Variants in TMBIM4 observed in about 807,000 individuals in gnomAD.
TMBIM4 encodes protein lifeguard 4.
TMBIM4 carries 28 observed loss-of-function variants against 27.7 expected under a neutral mutation model. The observed-to-expected ratio is 1.01, with a 90% confidence interval of 0.75 to 1.38. The LOEUF is 1.38. TMBIM4 is among the 40% of genes most tolerant of loss of function. TMBIM4 has a pLI of 0.00. For synonymous variants in TMBIM4, 115 were observed against 113.1 expected (o/e 1.02, Z -0.11); for missense variants, 265 against 277.5 (o/e 0.95, Z 0.32).
At chr12:66,160,118 G>A in intron 1 of TMBIM4, 1 of 688,746 alleles carries the variant, frequency 1.5e-6, no homozygotes, top group East Asian at 2.7e-5. Flanking sequence ...GAGTTGAGGA[G>A]CTGCAACAGA....
At chr12:66,149,206 C>T (rs1386605103) in intron 3 of TMBIM4, among the ~76,000 whole-genome samples, 5 of 151,854 alleles carry the variant, frequency 3.3e-5, no homozygotes, top group African/African-American at 9.7e-5. Flanking sequence ...TCTGGGAGGC[C>T]GAGGCAGGTG....
intron 1 of TMBIM4, among the ~76,000 whole-genome samples, chr12:66,165,235 G>A (rs896647514): frequency 2.0e-5 from 3 of 151,842 alleles, no homozygotes; most frequent in African/African-American, 4.8e-5. Flanking sequence ...GAATGTCAGG[G>A]GACCCCAAAT....
intron 1 of TMBIM4, among the ~76,000 whole-genome samples, chr12:66,158,228 A>C (rs1273649761): frequency 3.7e-5 from 1 of 27,218 alleles, no homozygotes; most frequent in East Asian, 3.2e-4. Flanking sequence ...TCCGTCTCAC[A>C]AAAAAAAAAA....
intron 1 of TMBIM4, among the ~76,000 whole-genome samples, chr12:66,167,524 G>A (rs2052152296): frequency 6.6e-6 from 1 of 152,150 alleles, no homozygotes; most frequent in Admixed American, 6.5e-5. Flanking sequence ...AATCATTAGA[G>A]AAATGCAAAT....
chr12:66,160,571 T>C (rs192815100), intron 1 of TMBIM4, among the ~76,000 whole-genome samples: 5 of 152,320 alleles, frequency 3.3e-5, no homozygotes, highest in Non-Finnish European at 4.4e-5. Flanking sequence ...TATATTACAA[T>C]AGACTAGTTA....
chr12:66,165,947 C>T (rs144803787), intron 1 of TMBIM4, among the ~76,000 whole-genome samples: 1 of 152,254 alleles, frequency 6.6e-6, no homozygotes, highest in Admixed American at 6.5e-5. Context: ...TCTATTTTTA[C>T]TTCTGTTGCC....
chr12:66,166,386 G>A (rs1263875177), intron 1 of TMBIM4, among the ~76,000 whole-genome samples: 2 of 149,712 alleles, frequency 1.3e-5, no homozygotes, highest in Non-Finnish European at 2.9e-5. Flanking sequence ...GATCACTTGA[G>A]CCTGGGACAT....
rs142306897 is a variant in TMBIM4 at position 66,158,094 on chromosome 12, C to T, written c.98-4646G>A. 9.1e-3 allele frequency among the ~76,000 whole-genome samples: 1,374 copies of T among 151,662 alleles called. 14 individuals carry two copies. The highest frequency in any genetic ancestry group is 0.031 in the African/African-American group (1,295 of 41,350). ...ACAAAAACTTAGCTGGGCGTGGTGG[C>T]GGGCGCCTGTAGTCCCAGCTACTCG... On this transcript the variant is annotated intron_variant, in intron 1 of 6. Transcript: ENST00000358230.
At position 66,169,932 on chromosome 12, in the gene TMBIM4, CG is replaced by C. The variant is rs1370013816; in HGVS notation, c.19del (p.Arg7GlyfsTer29). On this transcript the variant is annotated frameshift_variant, in exon 1 of 7. Transcript: ENST00000358230. LOFTEE classifies it high-confidence loss of function. ...GTCCTCGATCGAGGAGCGAGGGTAC[CG>C]GGGGTCGGGGTCAGCCATGATGGCA... MADPDP[R>X]YPRSSIEDDF... 7.4e-6 allele frequency: 11 copies of C among 1,495,424 alleles called. No homozygotes were observed. Among genetic ancestry groups the C allele is most frequent in the East Asian group, 2.9e-5 (1 of 34,884 alleles). 92.6% of individuals were successfully genotyped at this position (1,495,424 alleles called of 1,614,324 possible). A position where few individuals can be genotyped will look rare whatever the true frequency, so the allele number is the denominator to read the frequency against.
intron 1 of TMBIM4, among the ~76,000 whole-genome samples, chr12:66,157,099 T>G (rs1227764265): frequency 6.6e-6 from 1 of 152,192 alleles, no homozygotes; most frequent in African/African-American, 2.4e-5. Context: ...ATATCTGTTG[T>G]ACCATCGCCC....
chr12:66,147,789 A>G (rs2051775606), intron 4 of TMBIM4, 119 bp downstream of exon 4: 3 of 709,386 alleles, frequency 4.2e-6, no homozygotes, highest in South Asian at 4.4e-5. Flanking sequence ...GTCCTATGCT[A>G]TATTTCTGAA....
chr12:66,162,818 GT>G (rs1217409428), intron 1 of TMBIM4, among the ~76,000 whole-genome samples: 1 of 151,872 alleles, frequency 6.6e-6, no homozygotes, highest in Non-Finnish European at 1.5e-5. Context: ...TCTTTATTTT[GT>G]TTTCAACAAA....
At chr12:66,139,807 A>G (rs765859446) in intron 5 of TMBIM4, 9 of 455,194 alleles carry the variant, frequency 2.0e-5, no homozygotes, top group Non-Finnish European at 3.5e-5. Context: ...AAGCAGGCAG[A>G]ACAATCCTCA....
chr12:66,160,440 G>T, intron 1 of TMBIM4: 1 of 527,482 alleles, frequency 1.9e-6, no homozygotes, highest in Non-Finnish European at 3.4e-6. Context: ...ACTATTTGAA[G>T]GAATAAAAAA....
At chr12:66,155,206 A>G (rs2051911006) in intron 1 of TMBIM4, among the ~76,000 whole-genome samples, 1 of 151,960 alleles carries the variant, frequency 6.6e-6, no homozygotes, top group South Asian at 2.1e-4. Flanking sequence ...TTTCTGGGCT[A>G]TGAGAAAAAA....
Position 66,152,259 on chromosome 12 carries a change from C to A in TMBIM4, c.312+12G>T. On this transcript the variant is annotated intron_variant, in intron 3 of 6. Transcript: ENST00000358230. ...TAATTGTTAAGGGAATAGAGAAAGT[C>A]AGAGTACTCACAAATCCAAAAAGTA... 6.6e-7 allele frequency: 1 copy of A among 1,503,850 alleles called. No individual in the cohort carries two copies. Among genetic ancestry groups the A allele is most frequent in the Non-Finnish European group, 9.1e-7 (1 of 1,097,114 alleles). The allele number at this position is 1,503,850 out of a possible 1,614,324, so 93.2% of individuals were successfully genotyped here.
chr12:66,138,052 C>T lies in TMBIM4; in HGVS notation c.625G>A (p.Glu209Lys), dbSNP rs1311001607. 6.2e-7 allele frequency: 1 copy of T among 1,613,970 alleles called. No individual in the cohort carries two copies. The highest frequency in any genetic ancestry group is 8.5e-7 in the Non-Finnish European group (1 of 1,180,004). ...HSLMHKLSPEEYVLAAISLYL... is the reference protein window; with the variant it reads ...HSLMHKLSPEKYVLAAISLYL... ...AGGCTGATGGCAGCTAATACGTACT[C>T]TTCAGGTGACAGTTTATGCATCAGT... Residue 209 changes from glutamate to lysine, a missense_variant, in exon 7 of 7, where the codon GAG (glutamate) becomes AAG (lysine). By Grantham distance (56) the Glu-to-Lys change is moderately conservative. Coordinates refer to ENST00000358230, the MANE Select transcript of TMBIM4 (RefSeq NM_016056.4).
At chr12:66,146,445 T>C (rs2051753374) in intron 4 of TMBIM4, among the ~76,000 whole-genome samples, 1 of 152,150 alleles carries the variant, frequency 6.6e-6, no homozygotes, top group Non-Finnish European at 1.5e-5. Context: ...TCAAGGAAAT[T>C]GGGAAAGAAA....
chr12:66,151,467 G>A (rs1279034309), intron 3 of TMBIM4, among the ~76,000 whole-genome samples: 2 of 149,532 alleles, frequency 1.3e-5, no homozygotes, highest in South Asian at 2.1e-4. Context: ...TCAGACTCTC[G>A]GACTCCAGCA....
Sources: allele counts gnomAD v4.1 joint callset (sites outside exome capture counted in the v4.1 genomes callset), GRCh38; gene constraint gnomAD v4.1.1; transcripts MANE v1.5; gene names NCBI Gene and HGNC (gene_info 2026-07-23, HGNC 2026-07-21).